MLKL: variants seen among roughly 807,000 people sequenced by gnomAD.
MLKL encodes the protein mixed lineage kinase domain-like protein.
A neutral mutation model predicts 56.5 loss-of-function variants in MLKL; 55 were observed. That is an observed-to-expected ratio of 0.97 (90% CI 0.78 to 1.22). The LOEUF is 1.22. Ranked by LOEUF, MLKL falls within the 50% of genes most tolerant of loss-of-function variation. The pLI, the probability that MLKL is intolerant of heterozygous loss-of-function variation, is 0.00. For missense variants in MLKL, 694 were observed against 573.9 expected (o/e 1.21, Z -2.14); for synonymous variants, 251 against 208.3 (o/e 1.20, Z -1.76).
intron 4 of MLKL, among the ~76,000 whole-genome samples, chr16:74,685,937 T>C (rs186877414): frequency 7.4e-4 from 112 of 152,182 alleles, no homozygotes; most frequent in Admixed American, 2.0e-3. Context: ...GTTTAGCATA[T>C]ACTCTGACAG....
chr16:74,696,348 A>G (rs1961041080), intron 1 of MLKL, among the ~76,000 whole-genome samples: 1 of 152,228 alleles, frequency 6.6e-6, no homozygotes, highest in Non-Finnish European at 1.5e-5. Flanking sequence ...TTCAGGGGCC[A>G]GGCGGGTAAT....
intron 10 of MLKL, among the ~76,000 whole-genome samples, chr16:74,673,329 T>C (rs1175576366): frequency 6.6e-6 from 1 of 152,190 alleles, no homozygotes; most frequent in African/African-American, 2.4e-5. Flanking sequence ...GCAATTCTCC[T>C]GCCTCAGCTT....
intron 5 of MLKL, among the ~76,000 whole-genome samples, chr16:74,685,015 C>T (rs1428340470): frequency 6.6e-6 from 1 of 152,108 alleles, no homozygotes; most frequent in Non-Finnish European, 1.5e-5. Context: ...CAGATGCCTG[C>T]CACCAGACCC....
At position 74,695,761 on chromosome 16, in the gene MLKL, T is replaced by C. The variant is rs1961001284; in HGVS notation, c.-2-2A>G. 6.3e-7 allele frequency: 1 copy of C among 1,577,840 alleles called. No homozygotes were observed. Among genetic ancestry groups the C allele is most frequent in the Admixed American group, 1.9e-5 (1 of 53,936 alleles). On this transcript the variant is annotated splice_acceptor_variant, in intron 1 of 10. Transcript: ENST00000308807. LOFTEE classifies it low-confidence loss of function (5UTR_SPLICE). ...TAATATGCTTCAAATTTTCCATGCC[T>C]GGAAGAAATGAATGGAATTTGGTGA...
At chr16:74,684,431 G>GAAAAAAAAAAA (rs66482612) in intron 5 of MLKL, among the ~76,000 whole-genome samples, 1 of 112,736 alleles carries the variant, frequency 8.9e-6, no homozygotes. Context: ...GGGAAAAAAA[G>GAAAAAAAAAAA]AAAAAAAAAA....
chr16:74,699,846 T>C (rs1282040701), intron 1 of MLKL, among the ~76,000 whole-genome samples: 2 of 152,036 alleles, frequency 1.3e-5, no homozygotes, highest in South Asian at 2.1e-4. Context: ...GAGGATCTGG[T>C]TGGAGGATCA....
Position 74,692,378 on chromosome 16 carries a change from T to A in MLKL, c.499A>T (p.Ile167Phe), listed in dbSNP as rs1960725881. 1 of 1,614,046 alleles carries A rather than the reference T, an allele frequency of 6.2e-7. No homozygotes were observed. The highest frequency in any genetic ancestry group is 1.7e-5 in the Admixed American group (1 of 60,002). ...GTTTCCTTGATTTCTTTCATGTTGA[T>A]TTCTAATCGTCTCAGTGAAGCTTCT... The part of the protein sequence containing the change: ...KIEASLRRLE[I>F]NMKEIKETLR... The change falls in exon 3 of 11, where the codon ATC becomes TTC. Residue 167 changes from isoleucine (I) to phenylalanine (F), a missense_variant. Ile to Phe is a conservative substitution (Grantham distance 21, BLOSUM62 0). Coordinates refer to ENST00000308807, the MANE Select transcript of MLKL (RefSeq NM_152649.4).
At chr16:74,698,765 C>T (rs1318449559) in intron 1 of MLKL, among the ~76,000 whole-genome samples, 1 of 152,148 alleles carries the variant, frequency 6.6e-6, no homozygotes, top group East Asian at 1.9e-4. Context: ...AAATATCCCA[C>T]CCATAGAACT....
intron 7 of MLKL, among the ~76,000 whole-genome samples, chr16:74,678,676 G>A (rs1959755519): frequency 1.3e-5 from 2 of 152,172 alleles, no homozygotes; most frequent in African/African-American, 4.8e-5. Context: ...CCAGCTACTT[G>A]GGAGGCTGAG....
chr16:74,695,262 A>C, intron 2 of MLKL, 36 bp downstream of exon 2: 1 of 1,592,796 alleles, frequency 6.3e-7, no homozygotes, highest in Non-Finnish European at 8.6e-7. Flanking sequence ...AATGCATTCA[A>C]CTGCACTCCC....
At chr16:74,694,057 A>T (rs1003858054) in intron 2 of MLKL, among the ~76,000 whole-genome samples, 2 of 152,216 alleles carry the variant, frequency 1.3e-5, no homozygotes, top group African/African-American at 4.8e-5. Flanking sequence ...AAAACAAGCT[A>T]TATAATTCAA....
intron 7 of MLKL, 128 bp downstream of exon 7, chr16:74,678,771 G>T: frequency 1.4e-6 from 1 of 705,794 alleles, no homozygotes; most frequent in Admixed American, 2.6e-5. Context: ...GACAGAAAGA[G>T]ACTCTGTCTC....
intron 4 of MLKL, among the ~76,000 whole-genome samples, chr16:74,685,943 G>A (rs191723453): frequency 9.6e-4 from 146 of 151,826 alleles, no homozygotes; most frequent in Non-Finnish European, 1.6e-3. Context: ...CATATACTCT[G>A]ACAGATTGTG....
chr16:74,683,355 G>C (rs886892855), intron 5 of MLKL, among the ~76,000 whole-genome samples: 19 of 151,434 alleles, frequency 1.3e-4, no homozygotes, highest in Non-Finnish European at 2.1e-4. Flanking sequence ...TGGCTCTTTG[G>C]GAGGCTGAGG....
Position 74,675,116 on chromosome 16 carries a change from T to A in MLKL, c.1241-16A>T, listed in dbSNP as rs1567598789. The A allele has an allele frequency of 1.2e-6, 2 of 1,612,952 alleles. No homozygotes were observed. Among genetic ancestry groups the A allele is most frequent in the Admixed American group, 1.7e-5 (1 of 59,808 alleles). ...GAATTACAGCCTGGAAATGATAGCA[T>A]GAGAGCCTCAAAAAATTGCTCCGCT... On this transcript the variant is annotated splice_polypyrimidine_tract_variant and intron_variant, in intron 9 of 10. Transcript: ENST00000308807.
At chr16:74,697,693 CCTGT>C (rs1338130769) in intron 1 of MLKL, among the ~76,000 whole-genome samples, 3 of 151,964 alleles carry the variant, frequency 2.0e-5, no homozygotes, top group East Asian at 3.9e-4. Flanking sequence ...TTAGCTGGGA[CCTGT>C]AGTCCCAGCT....
intron 5 of MLKL, among the ~76,000 whole-genome samples, chr16:74,684,791 T>TA (rs1960228295): frequency 6.6e-6 from 1 of 152,078 alleles, no homozygotes; most frequent in African/African-American, 2.4e-5. Flanking sequence ...CCAGGTAAGT[T>TA]AATTTTGCTT....
intron 2 of MLKL, 33 bp from the exon 3 acceptor site, chr16:74,692,449 T>C (rs570040509): frequency 7.1e-6 from 11 of 1,552,942 alleles, no homozygotes; most frequent in Admixed American, 5.6e-5. Context: ...ATGCTCAAAA[T>C]AGATATTAAA....
intron 6 of MLKL, among the ~76,000 whole-genome samples, chr16:74,679,629 G>A (rs891527878): frequency 6.6e-6 from 1 of 152,144 alleles, no homozygotes; most frequent in Admixed American, 6.6e-5. Context: ...CCAACATGGT[G>A]AAACATCATC....
Sources: allele counts gnomAD v4.1 joint callset (sites outside exome capture counted in the v4.1 genomes callset), GRCh38; gene constraint gnomAD v4.1.1; transcripts MANE v1.5; gene names NCBI Gene and HGNC (gene_info 2026-07-23, HGNC 2026-07-21).